CAMK2G: variants seen among roughly 807,000 people sequenced by gnomAD.
CAMK2G encodes the protein calcium/calmodulin dependent protein kinase II gamma.
In CAMK2G, 23 loss-of-function variants were observed where a neutral mutation model predicts 88.7. The ratio of observed to expected loss-of-function variants is 0.26; its 90% CI spans 0.19 to 0.37. CAMK2G has a LOEUF of 0.37. Ranked by LOEUF, CAMK2G falls within the 10% of genes least tolerant of loss-of-function variation. CAMK2G has a pLI of 1.00. For synonymous variants in CAMK2G, 263 were observed against 294.8 expected (o/e 0.89, Z 1.11); for missense variants, 476 against 780.8 (o/e 0.61, Z 4.65).
intron 15 of CAMK2G, 74 bp from the exon 16 acceptor site, chr10:73,825,421 C>G: frequency 8.5e-7 from 1 of 1,174,120 alleles, no homozygotes; most frequent in Non-Finnish European, 1.3e-6. Flanking sequence ...CCAGACCTCC[C>G]TTGCCCCCTG....
intron 2 of CAMK2G, among the ~76,000 whole-genome samples, chr10:73,872,260 A>ATC (rs1471610576): frequency 6.6e-6 from 1 of 152,122 alleles, no homozygotes; most frequent in African/African-American, 2.4e-5. Context: ...ACTTGGGAGG[A>ATC]TCTCGCAAGT....
At chr10:73,823,040 T>G (rs903495560) in intron 17 of CAMK2G, among the ~76,000 whole-genome samples, 3 of 151,752 alleles carry the variant, frequency 2.0e-5, no homozygotes, top group Admixed American at 6.6e-5. Context: ...TTCTGTATCT[T>G]TAGTAGAGAT....
intron 10 of CAMK2G, chr10:73,846,618 C>T (rs2094259093): frequency 6.6e-6 from 1 of 152,224 alleles, no homozygotes; most frequent in South Asian, 2.1e-4. Flanking sequence ...ACAGAATGGA[C>T]AGATAAATAA....
At chr10:73,836,354 C>T (rs1042935868) in intron 14 of CAMK2G, among the ~76,000 whole-genome samples, 4 of 152,172 alleles carry the variant, frequency 2.6e-5, no homozygotes, top group African/African-American at 7.2e-5. Context: ...TTGTGTACCC[C>T]TCAGAACAGA....
At chr10:73,838,740 C>T (rs2093486819) in intron 13 of CAMK2G, among the ~76,000 whole-genome samples, 1 of 152,318 alleles carries the variant, frequency 6.6e-6, no homozygotes, top group South Asian at 2.1e-4. Context: ...TGACCGCCTA[C>T]TGTCTAAGTG....
At position 73,824,103 on chromosome 10, in the gene CAMK2G, A is replaced by AT; in HGVS notation, c.1156-20dup. On this transcript the variant is annotated intron_variant, in intron 16 of 22. Transcript: ENST00000423381. ...GTGGCTCCTGTGAGAGAAGATGAAGATTACCCTTCCGACTTGGGGACAGAC... is the reference window on the plus strand; with the variant it reads ...GTGGCTCCTGTGAGAGAAGATGAAGATTTACCCTTCCGACTTGGGGACAGAC... 1 of 1,606,884 alleles carries AT rather than the reference A, an allele frequency of 6.2e-7. No individual in the cohort carries two copies. The highest frequency in any genetic ancestry group is 1.1e-5 in the South Asian group (1 of 90,898).
chr10:73,817,208 G>C, intron 20 of CAMK2G, 91 bp from the exon 21 acceptor site: 1 of 1,501,346 alleles, frequency 6.7e-7, no homozygotes, highest in Non-Finnish European at 8.9e-7. Flanking sequence ...AGTAGCAGCA[G>C]GCTACCTGTG....
chr10:73,823,363 G>A (rs998732470), intron 17 of CAMK2G, among the ~76,000 whole-genome samples: 7 of 152,228 alleles, frequency 4.6e-5, no homozygotes, highest in South Asian at 2.1e-4. Context: ...CTACAGGCAC[G>A]CGCCACCACA....
intron 21 of CAMK2G, among the ~76,000 whole-genome samples, chr10:73,815,457 G>A (rs1202228046): frequency 1.5e-5 from 2 of 133,642 alleles, no homozygotes; most frequent in Non-Finnish European, 3.1e-5. Context: ...GGAACAGAAA[G>A]ATGGGTAACA....
intron 2 of CAMK2G, among the ~76,000 whole-genome samples, chr10:73,869,962 A>G (rs1288526068): frequency 6.6e-6 from 1 of 152,252 alleles, no homozygotes; most frequent in Non-Finnish European, 1.5e-5. Flanking sequence ...CGTAGAAGAA[A>G]GGACCATTTG....
chr10:73,851,521 ACTCC>A (rs2094612029), intron 5 of CAMK2G, among the ~76,000 whole-genome samples: 1 of 151,514 alleles, frequency 6.6e-6, no homozygotes, highest in African/African-American at 2.4e-5. Flanking sequence ...AGAACTCTCC[ACTCC>A]CTCAGGACAG....
At chr10:73,816,944 G>A (rs745987641) in intron 21 of CAMK2G, 79 bp downstream of exon 21, 73 of 1,613,070 alleles carry the variant, frequency 4.5e-5, no homozygotes, top group South Asian at 2.2e-5. Flanking sequence ...GGGCAACTGG[G>A]ATGAGAAGGT....
intron 14 of CAMK2G, among the ~76,000 whole-genome samples, chr10:73,833,919 T>TG (rs1450140695): frequency 1.6e-5 from 2 of 126,456 alleles, no homozygotes; most frequent in Non-Finnish European, 3.3e-5. Context: ...GTTTTTTTTT[T>TG]TTTTTTTTTT....
At position 73,847,362 on chromosome 10, in the gene CAMK2G, T is replaced by G; in HGVS notation, c.697-15A>C. On this transcript the variant is annotated splice_polypyrimidine_tract_variant and intron_variant, in intron 9 of 22. Transcript: ENST00000423381. ...GGTGATGGGAACTAAGGAGCAGGAA[T>G]AGGGAGAAGAATGTGGTATTGGTGA... 1 of 1,613,894 alleles carries G rather than the reference T, an allele frequency of 6.2e-7. No homozygotes were observed. Among genetic ancestry groups the G allele is most frequent in the Non-Finnish European group, 8.5e-7 (1 of 1,179,834 alleles).
chr10:73,819,302 C>G (rs1465710848), intron 19 of CAMK2G, among the ~76,000 whole-genome samples: 1 of 152,136 alleles, frequency 6.6e-6, no homozygotes, highest in Non-Finnish European at 1.5e-5. Flanking sequence ...TCATCCCAGG[C>G]CATGTTTTTC....
chr10:73,840,525 T>C (rs2093689760), intron 12 of CAMK2G, among the ~76,000 whole-genome samples: 1 of 152,192 alleles, frequency 6.6e-6, no homozygotes, highest in Non-Finnish European at 1.5e-5. Flanking sequence ...CAACATTGTT[T>C]GTCTCCTCTG....
rs555784917 is a variant in CAMK2G at position 73,853,226 on chromosome 10, A to C, written c.241T>G (p.Ser81Ala). The C allele has an allele frequency of 2.5e-6, 4 of 1,614,178 alleles. No individual in the cohort carries two copies. In the African/African-American group the frequency reaches 4.0e-5, roughly 16 times the overall value. The change falls in exon 4 of 23, where the codon TCT becomes GCT. Residue 81 changes from serine (S) to alanine (A), a missense_variant. Physicochemically the swap from Ser to Ala is moderately conservative, Grantham distance 99. Coordinates refer to ENST00000423381, the MANE Select transcript of CAMK2G (RefSeq NM_001367534.1). ...ACGAGGTAGTGAAACCCTTCTTCAGAAATACTGTCATGGAGGCGCACTGCA... is the reference window on the plus strand; with the variant it reads ...ACGAGGTAGTGAAACCCTTCTTCAGCAATACTGTCATGGAGGCGCACTGCA... ...PNIVRLHDSI[S>A]EEGFHYLVFD...
chr10:73,837,229 A>G (rs2093336355), intron 14 of CAMK2G: 1 of 560,950 alleles, frequency 1.8e-6, no homozygotes, highest in African/African-American at 1.9e-5. Context: ...TCTGGTATAA[A>G]CTATGATTTG....
intron 18 of CAMK2G, 26 bp downstream of exon 18, chr10:73,821,656 T>C: frequency 6.3e-7 from 1 of 1,592,024 alleles, no homozygotes. Flanking sequence ...GCTGGAGTCC[T>C]TCCCCCTCCA....
Sources: gnomAD v4.1 joint callset for allele counts (sites outside exome capture counted in the v4.1 genomes callset) on GRCh38, gnomAD v4.1.1 for gene constraint, MANE v1.5 for transcripts, NCBI Gene and HGNC (gene_info 2026-07-23, HGNC 2026-07-21) for gene names.